The following NOP9 variants were observed in gnomAD, a reference collection of about 807,000 sequenced individuals.
NOP9 encodes NOP9 nucleolar protein.
In NOP9, 50 loss-of-function variants were observed where a neutral mutation model predicts 63.0. That is an observed-to-expected ratio of 0.79 (90% CI 0.63 to 1.00). The LOEUF is 1.00. Among genes scored for constraint, NOP9 ranks in the 50% least tolerant of loss-of-function variants. The probability of loss-of-function intolerance (pLI) is 0.00; values close to 1 mark genes in which losing one functional copy is unlikely to be tolerated. For synonymous variants in NOP9, 343 were observed against 332.8 expected (o/e 1.03, Z -0.33); for missense variants, 758 against 803.0 (o/e 0.94, Z 0.68).
chr14:24,292,309 A>G, the NOP9 span: 32 of 1,613,922 alleles, frequency 2.0e-5, no homozygotes, highest in Non-Finnish European at 2.6e-5. Context: ...TCGTGGGCAC[A>G]GTCAGCAGCC....
rs2041558170 is a variant in NOP9 at position 24,307,620 on chromosome 14, A to G, written c.*2525A>G. 9.5e-7 allele frequency: 1 copy of G among 1,051,348 alleles called. No individual in the cohort carries two copies. The highest frequency in any genetic ancestry group is 1.4e-6 in the Non-Finnish European group (1 of 728,232). The allele number at this position is 1,051,348 out of a possible 1,614,324, so 65.1% of individuals were successfully genotyped here. A position where few individuals can be genotyped will look rare whatever the true frequency, so the allele number is the denominator to read the frequency against. ...TAGAGGGCTAGGGAGGGAGAGATCT[A>G]GGTTTATCGATTAGGGATGAGGGAG... is the stretch of plus-strand genomic sequence containing the variant. On this transcript the variant is annotated 3_prime_UTR_variant, in exon 10 of 10. Coordinates refer to ENST00000267425, the MANE Select transcript of NOP9 (RefSeq NM_174913.3).
chr14:24,296,690 G>C (rs771369651), upstream of NOP9: 4 of 1,614,046 alleles, frequency 2.5e-6, no homozygotes, highest in Non-Finnish European at 3.4e-6. Flanking sequence ...GCAGGGGTCT[G>C]AGGGGGAGGT....
chr14:24,296,088 G>A (rs955806887), upstream of NOP9, among the ~76,000 whole-genome samples: 1 of 152,196 alleles, frequency 6.6e-6, no homozygotes, highest in Non-Finnish European at 1.5e-5. Flanking sequence ...TGTGGGTGTG[G>A]AGTGAGGATG....
At chr14:24,279,249 C>G in the NOP9 span, among the ~76,000 whole-genome samples, 1 of 152,320 alleles carries the variant, frequency 6.6e-6, no homozygotes, top group African/African-American at 2.4e-5. Context: ...TAGAGTAACT[C>G]AGAGCCCAAG....
upstream of NOP9, chr14:24,298,911 T>G: frequency 1.9e-6 from 3 of 1,562,432 alleles, no homozygotes; most frequent in South Asian, 1.2e-5. Flanking sequence ...GTGGAAGGGC[T>G]CTCTCGGGTG....
chr14:24,297,745 C>A (rs892717121), upstream of NOP9, among the ~76,000 whole-genome samples: 2 of 152,196 alleles, frequency 1.3e-5, no homozygotes, highest in African/African-American at 4.8e-5. Flanking sequence ...CTTGCATTAT[C>A]TCACACATCT....
In NOP9 at chr14:24,306,016, T is replaced by C. The variant is rs748425182; in HGVS notation, c.*921T>C. 2 of 1,614,074 alleles carry C rather than the reference T, an allele frequency of 1.2e-6. No individual in the cohort carries two copies. Among genetic ancestry groups the C allele is most frequent in the East Asian group, 2.2e-5 (1 of 44,896 alleles). On this transcript the variant is annotated 3_prime_UTR_variant, in exon 10 of 10. Coordinates refer to ENST00000267425, the MANE Select transcript of NOP9 (RefSeq NM_174913.3). ...AGAGTAGAGCCCGTAGAATGTGGCT[T>C]TGACATTCAGGCTGCCAAAGAGGTC...
chr14:24,293,038 C>A, the NOP9 span: 1 of 457,780 alleles, frequency 2.2e-6, no homozygotes, highest in Non-Finnish European at 3.8e-6. Context: ...GTCACAATAA[C>A]AATTACAAAC....
At chr14:24,301,150 C>T (rs577494345) in intron 2 of NOP9, among the ~76,000 whole-genome samples, 5 of 152,232 alleles carry the variant, frequency 3.3e-5, no homozygotes, top group Admixed American at 6.5e-5. Context: ...AACATACACA[C>T]TGGACTCAAG....
At chr14:24,299,188 G>A (rs2041321197), upstream of NOP9, 6 of 1,477,748 alleles carry the variant, frequency 4.1e-6, no homozygotes, top group East Asian at 9.7e-5. Flanking sequence ...GTGTTGGGGC[G>A]AGGTTGGGGG....
At chr14:24,271,263 CCA>C in the NOP9 span, 1 of 1,083,366 alleles carries the variant, frequency 9.2e-7, no homozygotes, top group African/African-American at 1.6e-5. Flanking sequence ...GCAGAGACCC[CCA>C]GAGTGTAAAG....
At chr14:24,296,538 C>T, upstream of NOP9, 3 of 1,614,202 alleles carry the variant, frequency 1.9e-6, no homozygotes, top group Non-Finnish European at 2.5e-6. Flanking sequence ...TATCATCCCA[C>T]ATGGAGGCAG....
chr14:24,276,921 A>T, the NOP9 span, among the ~76,000 whole-genome samples: 1 of 152,208 alleles, frequency 6.6e-6, no homozygotes, highest in Non-Finnish European at 1.5e-5. Flanking sequence ...TATGGGTAAA[A>T]GGTTTAGTGG....
At chr14:24,299,395 G>A, upstream of NOP9, 2 of 316,286 alleles carry the variant, frequency 6.3e-6, no homozygotes, top group East Asian at 1.1e-4. Context: ...GAGTGTGGCT[G>A]CCTGGATATG....
chr14:24,297,317 C>A (rs1187087832), upstream of NOP9, among the ~76,000 whole-genome samples: 2 of 152,192 alleles, frequency 1.3e-5, no homozygotes, highest in African/African-American at 2.4e-5. Context: ...GTCTTACCCT[C>A]ACTCCACCAA....
chr14:24,305,678 C>G lies in NOP9; in HGVS notation c.*583C>G, dbSNP rs950306794. On this transcript the variant is annotated 3_prime_UTR_variant, in exon 10 of 10. Transcript: ENST00000267425. Reference sequence around the variant, plus strand: ...CCTTCTGCTGCCACTGCTCAGCCCCCTCCACTGCATGACGAAGGGTGGAGG... The same window carrying G: ...CCTTCTGCTGCCACTGCTCAGCCCCGTCCACTGCATGACGAAGGGTGGAGG... 1 of 1,614,208 alleles carries G rather than the reference C, an allele frequency of 6.2e-7. No homozygotes were observed. Among genetic ancestry groups the G allele is most frequent in the Admixed American group, 1.7e-5 (1 of 60,024 alleles).
At chr14:24,299,087 C>A (rs748097310), upstream of NOP9, 8 of 1,613,460 alleles carry the variant, frequency 5.0e-6, no homozygotes, top group Non-Finnish European at 6.8e-6. Context: ...ACACACTTGG[C>A]CATTCATGGG....
chr14:24,304,369 C>T, intron 8 of NOP9, 92 bp downstream of exon 8: 1 of 1,303,150 alleles, frequency 7.7e-7, no homozygotes, highest in Non-Finnish European at 1.1e-6. Flanking sequence ...CTCAAAAAGG[C>T]TATGTAATTC....
chr14:24,286,069 C>T, the NOP9 span, among the ~76,000 whole-genome samples: 1 of 152,236 alleles, frequency 6.6e-6, no homozygotes, highest in Non-Finnish European at 1.5e-5. Context: ...TCTTCAGGGA[C>T]CAGCCAAGAA....
Sources: allele counts gnomAD v4.1 joint callset (sites outside exome capture counted in the v4.1 genomes callset), GRCh38; gene constraint gnomAD v4.1.1; transcripts MANE v1.5; gene names NCBI Gene and HGNC (gene_info 2026-07-23, HGNC 2026-07-21).